LRFN5: variants seen among roughly 807,000 people sequenced by gnomAD.
LRFN5 encodes the protein leucine-rich repeat and fibronectin type-III domain-containing protein 5.
Under a neutral mutation model 45.6 loss-of-function variants are expected in LRFN5, and 24 were observed. The observed-to-expected ratio is 0.53, with a 90% confidence interval of 0.38 to 0.74. The LOEUF is 0.74. Among genes scored for constraint, LRFN5 ranks in the 30% least tolerant of loss-of-function variants. The pLI, the probability that LRFN5 is intolerant of heterozygous loss-of-function variation, is 0.00. For missense variants in LRFN5, 776 were observed against 861.5 expected, an observed-to-expected ratio of 0.90 and a Z score of 1.24; for synonymous variants, 340 against 313.8, an observed-to-expected ratio of 1.08 and a Z score of -0.88.
intron 2 of LRFN5, among the ~76,000 whole-genome samples, chr14:41,880,131 A>T (rs78846553): frequency 6.6e-6 from 1 of 151,424 alleles, no homozygotes; most frequent in Non-Finnish European, 1.5e-5. Flanking sequence ...GTTTCACCGT[A>T]TTAGCCAGGA....
chr14:41,817,218 A>C (rs1234616304), intron 2 of LRFN5, among the ~76,000 whole-genome samples: 2 of 152,010 alleles, frequency 1.3e-5, no homozygotes, highest in Non-Finnish European at 2.9e-5. Context: ...CATCTTAATC[A>C]TAGTTGTTTT....
chr14:41,845,679 GATT>G (rs1889037445), intron 2 of LRFN5, among the ~76,000 whole-genome samples: 2 of 152,122 alleles, frequency 1.3e-5, no homozygotes, highest in South Asian at 4.1e-4. Flanking sequence ...TAAATTTCAA[GATT>G]ATTAGGTGCA....
chr14:41,668,301 A>G (rs1049108602), intron 1 of LRFN5, among the ~76,000 whole-genome samples: 2 of 152,134 alleles, frequency 1.3e-5, no homozygotes, highest in African/African-American at 4.8e-5. Context: ...TATTTTTATA[A>G]TCTAGATTGA....
At chr14:41,617,685 A>C (rs1887972327) in intron 1 of LRFN5, among the ~76,000 whole-genome samples, 1 of 152,162 alleles carries the variant, frequency 6.6e-6, no homozygotes, top group Admixed American at 6.6e-5. Context: ...AGTCTGGGAT[A>C]TAAATATATA....
chr14:41,904,125 C>T, intron 5 of LRFN5, 33 bp from the exon 6 acceptor site: 1 of 1,529,558 alleles, frequency 6.5e-7, no homozygotes, highest in East Asian at 2.3e-5. Context: ...TCCTTTCTTT[C>T]TTTTTTTCCT....
At chr14:41,821,023 G>C (rs1166117605) in intron 2 of LRFN5, among the ~76,000 whole-genome samples, 1 of 151,924 alleles carries the variant, frequency 6.6e-6, no homozygotes, top group Non-Finnish European at 1.5e-5. Flanking sequence ...AGAATCTTCA[G>C]GGTTTTCAAG....
chr14:41,653,277 CAG>C (rs1292799952), intron 1 of LRFN5, among the ~76,000 whole-genome samples: 1 of 152,006 alleles, frequency 6.6e-6, no homozygotes. Flanking sequence ...GGTCATCTTC[CAG>C]AGTTTTTATA....
At chr14:41,721,587 T>C (rs1469369278) in intron 1 of LRFN5, among the ~76,000 whole-genome samples, 1 of 152,180 alleles carries the variant, frequency 6.6e-6, no homozygotes, top group Non-Finnish European at 1.5e-5. Context: ...TCCTTAGTGC[T>C]TGCTTGACTA....
At chr14:41,781,642 A>AG in intron 2 of LRFN5, among the ~76,000 whole-genome samples, 1 of 150,556 alleles carries the variant, frequency 6.6e-6, no homozygotes, top group African/African-American at 2.5e-5. Context: ...AAGGAAAGAA[A>AG]GAAAGAGAAA....
chr14:41,744,093 C>G (rs1438790055), intron 1 of LRFN5, among the ~76,000 whole-genome samples: 1 of 152,118 alleles, frequency 6.6e-6, no homozygotes. Flanking sequence ...GTACCTCATG[C>G]CTATAATCCT....
chr14:41,654,825 T>C (rs1341864626), intron 1 of LRFN5, among the ~76,000 whole-genome samples: 2 of 152,024 alleles, frequency 1.3e-5, no homozygotes, highest in East Asian at 3.9e-4. Flanking sequence ...AGTACTGATA[T>C]TGTAGTAGCA....
At chr14:41,850,268 G>A (rs1889219313) in intron 2 of LRFN5, among the ~76,000 whole-genome samples, 1 of 151,930 alleles carries the variant, frequency 6.6e-6, no homozygotes, top group East Asian at 1.9e-4. Flanking sequence ...CACAATACAT[G>A]CTCATGAAAG....
chr14:41,711,828 T>C lies in LRFN5; in HGVS notation c.-196-55026T>C, dbSNP rs144529432. Among the ~76,000 whole-genome samples, 315 of 152,280 alleles carry C rather than the reference T, an allele frequency of 2.1e-3. 2 individuals are homozygous for C. The highest frequency in any genetic ancestry group is 6.7e-3 in the African/African-American group (279 of 41,556). Reference sequence around the variant, plus strand: ...AGAAAACAGAATTAGACTCTCCATGTTCTTAGATTTTGGAATGATAATTCT... The same window carrying C: ...AGAAAACAGAATTAGACTCTCCATGCTCTTAGATTTTGGAATGATAATTCT... On this transcript the variant is annotated intron_variant, in intron 1 of 5. Coordinates refer to ENST00000298119, the MANE Select transcript of LRFN5 (RefSeq NM_152447.5).
At chr14:41,870,381 A>G (rs1889976968) in intron 2 of LRFN5, among the ~76,000 whole-genome samples, 1 of 152,158 alleles carries the variant, frequency 6.6e-6, no homozygotes, top group Admixed American at 6.6e-5. Flanking sequence ...TATACTCCAG[A>G]TTGGGTAATT....
chr14:41,785,915 C>T (rs752639301), intron 2 of LRFN5, among the ~76,000 whole-genome samples: 1 of 152,116 alleles, frequency 6.6e-6, no homozygotes, highest in Non-Finnish European at 1.5e-5. Flanking sequence ...ACAAATGATG[C>T]AGAGCAGCTG....
intron 2 of LRFN5, among the ~76,000 whole-genome samples, chr14:41,873,465 G>T (rs924902284): frequency 5.9e-5 from 9 of 151,418 alleles, no homozygotes; most frequent in Non-Finnish European, 1.3e-4. Context: ...GAGACATTGC[G>T]TTCAGTGATA....
intron 2 of LRFN5, among the ~76,000 whole-genome samples, chr14:41,882,194 C>G (rs1255869640): frequency 6.6e-6 from 1 of 151,936 alleles, no homozygotes; most frequent in Non-Finnish European, 1.5e-5. Flanking sequence ...TTGTTGGTGG[C>G]CTAGGAGAAT....
In LRFN5 at chr14:41,891,720, G is replaced by A. The variant is rs1424094303; in HGVS notation, c.1856G>A (p.Ser619Asn). The change falls in exon 4 of 6, where the codon AGT becomes AAT. Residue 619 changes from serine (S) to asparagine (N), a missense_variant. Physicochemically the swap from Ser to Asn is conservative, Grantham distance 46. This residue lies in a region of LRFN5 where 465 missense variants were observed against 456.4 expected (regional missense o/e 1.02). Coordinates refer to ENST00000298119, the MANE Select transcript of LRFN5 (RefSeq NM_152447.5). Reference sequence around the variant, plus strand: ...ATTCAATCTTCAGAAACTTGTTCGAGTCAGGACTCCTCTACCACTACCTCT... The same window carrying A: ...ATTCAATCTTCAGAAACTTGTTCGAATCAGGACTCCTCTACCACTACCTCT... ...NVIQSSETCS[S>N]QDSSTTTSAL... The A allele has an allele frequency of 1.9e-6, 3 of 1,614,168 alleles. No homozygotes were observed. Among genetic ancestry groups the A allele is most frequent in the Non-Finnish European group, 2.5e-6 (3 of 1,180,024 alleles).
intron 1 of LRFN5, among the ~76,000 whole-genome samples, chr14:41,652,767 G>A (rs772245815): frequency 6.6e-6 from 1 of 152,048 alleles, no homozygotes; most frequent in Non-Finnish European, 1.5e-5. Context: ...GAACTAATTT[G>A]TACTCCTATC....
Sources: allele counts gnomAD v4.1 joint callset (sites outside exome capture counted in the v4.1 genomes callset), GRCh38; gene constraint gnomAD v4.1.1; regional missense constraint gnomAD v4.1.1; transcripts MANE v1.5; gene names NCBI Gene and HGNC (gene_info 2026-07-23, HGNC 2026-07-21).